ZNF480: variants seen among roughly 807,000 people sequenced by gnomAD.
ZNF480 encodes zinc finger protein 480.
In ZNF480, 15 loss-of-function variants were observed where a neutral mutation model predicts 14.4. That is an observed-to-expected ratio of 1.04 (90% CI 0.70 to 1.60). The LOEUF is 1.60. Among genes scored for constraint, ZNF480 ranks in the 40% most tolerant of loss-of-function variants. ZNF480 has a pLI of 0.00. For synonymous variants in ZNF480, 218 were observed against 215.5 expected (o/e 1.01, Z -0.10); for missense variants, 593 against 629.7 (o/e 0.94, Z 0.62).
rs1984009066 is a variant in ZNF480, at chr19:52,324,682, G to A, written c.*1824G>A. 6.6e-6 allele frequency: 1 copy of A among 151,944 alleles called. No individual in the cohort carries two copies. 9.4% of individuals were successfully genotyped at this position (151,944 alleles called of 1,614,324 possible). A position where few individuals can be genotyped will look rare whatever the true frequency, so the allele number is the denominator to read the frequency against. ...CTCAACAAAACTGACAAGCAATGAA[G>A]TAAGAACTTCATTCAATAAGTGGTG... On this transcript the variant is annotated 3_prime_UTR_variant, in exon 5 of 5. Transcript: ENST00000595962.
At position 52,321,798 on chromosome 19, in the gene ZNF480, A is replaced by T. The variant is rs976218899; in HGVS notation, c.548A>T (p.Asp183Val). 3.7e-6 allele frequency: 6 copies of T among 1,613,818 alleles called. No homozygotes were observed. The highest frequency in any genetic ancestry group is 5.1e-6 in the Non-Finnish European group (6 of 1,179,840). The change falls in exon 5 of 5, where the codon GAT (aspartate) becomes GTT (valine). Residue 183 changes from aspartate to valine, a missense_variant. By Grantham distance (152) the Asp-to-Val change is radical. Transcript: ENST00000595962. ...SVKTPIFNRNDFDDSSFLPQE... is the reference protein window; with the variant it reads ...SVKTPIFNRNVFDDSSFLPQE... ...AAAACCCCCATTTTTAATAGGAATG[A>T]TTTTGATGATTCTTCATTTCTCCCA...
rs1159196511 is a variant in ZNF480, at chr19:52,322,569, C to G, written c.1319C>G (p.Ser440Ter). The G allele has an allele frequency of 6.2e-7, 1 of 1,614,062 alleles. No homozygotes were observed. Among genetic ancestry groups the G allele is most frequent in the Non-Finnish European group, 8.5e-7 (1 of 1,179,994 alleles). Reference sequence around the variant, plus strand: ...TGTGGTAAAGCATTTAGTGAGTATTCAGGCCTTTCAGCCCATCTTGTAATC... The same window carrying G: ...TGTGGTAAAGCATTTAGTGAGTATTGAGGCCTTTCAGCCCATCTTGTAATC... ...NECGKAFSEY[S>*]GLSAHLVIHT... Residue 440 changes from serine (S) to a stop codon, truncating the protein, a stop_gained, in exon 5 of 5, where the codon TCA (serine) becomes TGA (stop). Transcript: ENST00000595962. LOFTEE classifies it low-confidence loss of function (END_TRUNC).
Position 52,322,593 on chromosome 19 carries a change from T to C in ZNF480, c.1343T>C (p.Ile448Thr), listed in dbSNP as rs1283199139. 1 of 1,614,000 alleles carries C rather than the reference T, an allele frequency of 6.2e-7. No homozygotes were observed. Among genetic ancestry groups the C allele is most frequent in the Non-Finnish European group, 8.5e-7 (1 of 1,180,018 alleles). The change falls in exon 5 of 5, where the codon ATC becomes ACC. Residue 448 changes from isoleucine to threonine, a missense_variant. Transcript: ENST00000595962. The stretch of plus-strand genomic sequence containing the variant: ...TCAGGCCTTTCAGCCCATCTTGTAA[T>C]CCACACTGGAGAGAAGCCTTACAAA... ...EYSGLSAHLV[I>T]HTGEKPYKCS...
chr19:52,297,672 C>G (rs1003260989), intron 1 of ZNF480: 7 of 161,110 alleles, frequency 4.3e-5, no homozygotes, highest in African/African-American at 1.7e-4. Context: ...TGATCCAGAC[C>G]CTACCTTTAC....
rs941527389 is a variant in ZNF480 at position 52,324,749 on chromosome 19, A to T, written c.*1891A>T. 2.0e-5 allele frequency: 3 copies of T among 152,146 alleles called. No individual in the cohort carries two copies. The highest frequency in any genetic ancestry group is 2.9e-5 in the Non-Finnish European group (2 of 68,028). 9.4% of individuals were successfully genotyped at this position (152,146 alleles called of 1,614,324 possible). On this transcript the variant is annotated 3_prime_UTR_variant, in exon 5 of 5. Coordinates refer to ENST00000595962, the MANE Select transcript of ZNF480 (RefSeq NM_144684.4). ...GCCATATGCAGGATATTGAAACTGG[A>T]CCCCTATCCTTCACGATATACAAAA...
At chr19:52,302,706 G>T (rs979439943) in intron 2 of ZNF480, among the ~76,000 whole-genome samples, 1 of 152,186 alleles carries the variant, frequency 6.6e-6, no homozygotes, top group African/African-American at 2.4e-5. Context: ...AACAGAATTA[G>T]GTTCCAATCC....
intron 1 of ZNF480, among the ~76,000 whole-genome samples, chr19:52,298,343 A>G (rs1477691783): frequency 2.0e-5 from 3 of 152,130 alleles, no homozygotes; most frequent in Admixed American, 2.0e-4. Context: ...AGTCAGGGGA[A>G]GAGGCAAGAC....
rs143525165 is a variant in ZNF480 at position 52,298,648 on chromosome 19, A to G, written c.-20+1425A>G. Among the ~76,000 whole-genome samples, 653 of 152,104 alleles carry G rather than the reference A, an allele frequency of 4.3e-3. 3 individuals carry two copies. The highest frequency in any genetic ancestry group is 6.0e-3 in the Non-Finnish European group (411 of 67,968). ...CTCCGTCTCAGGGAAAAAAAAAAAA[A>G]AGAGACAAATAGGTGGAGAATGGGA... On this transcript the variant is annotated intron_variant, in intron 1 of 4. Coordinates refer to ENST00000595962, the MANE Select transcript of ZNF480 (RefSeq NM_144684.4).
Position 52,314,140 on chromosome 19 carries a change from G to C in ZNF480, c.73-13G>C, listed in dbSNP as rs915593604. On this transcript the variant is annotated splice_polypyrimidine_tract_variant and intron_variant, in intron 2 of 4. Coordinates refer to ENST00000595962, the MANE Select transcript of ZNF480 (RefSeq NM_144684.4). ...TTACATATCCTGTTGGTGAAATGTG[G>C]TTTTCATTTTAGGGACACTTAACAT... 3 of 1,552,826 alleles carry C rather than the reference G, an allele frequency of 1.9e-6. No individual in the cohort carries two copies. The African/African-American group carries it at 4.1e-5, about 21-fold the overall frequency.
intron 2 of ZNF480, chr19:52,301,853 T>C (rs1240072934): frequency 2.0e-5 from 3 of 153,260 alleles, no homozygotes; most frequent in Non-Finnish European, 4.4e-5. Context: ...CAGGTATCCA[T>C]ACTCCTTCTC....
At chr19:52,304,843 A>G (rs909288493) in intron 2 of ZNF480, among the ~76,000 whole-genome samples, 12 of 152,158 alleles carry the variant, frequency 7.9e-5, no homozygotes, top group Admixed American at 7.9e-4. Context: ...TCAAGCCTGT[A>G]ATCCCAGCAC....
chr19:52,322,411 A>C lies in ZNF480; in HGVS notation c.1161A>C (p.Ala387=), dbSNP rs747279205. The C allele has an allele frequency of 9.9e-5, 160 of 1,613,946 alleles. No individual in the cohort carries two copies. Among genetic ancestry groups the C allele is most frequent in the Non-Finnish European group, 1.3e-4 (151 of 1,180,004 alleles). Residue 387 remains alanine, a synonymous_variant, in exon 5 of 5, where the codon GCA becomes GCC. Coordinates refer to ENST00000595962, the MANE Select transcript of ZNF480 (RefSeq NM_144684.4). ...TCTTTATTCAAAATTCGCACCTAGC[A>C]CAACATTGGAGAATTCATACAGGAG... ...GKVFIQNSHL[A]QHWRIHTGEK... is the part of the protein sequence containing the mutation.
chr19:52,318,183 T>C (rs1983646499), intron 4 of ZNF480, among the ~76,000 whole-genome samples: 1 of 152,114 alleles, frequency 6.6e-6, no homozygotes, highest in African/African-American at 2.4e-5. Flanking sequence ...CTCGGCTCAC[T>C]GGTACCTGCG....
chr19:52,316,374 C>G (rs1389864187), intron 4 of ZNF480, among the ~76,000 whole-genome samples: 1 of 152,024 alleles, frequency 6.6e-6, no homozygotes, highest in Non-Finnish European at 1.5e-5. Context: ...TTATGGTCAC[C>G]TGCACCATGC....
intron 2 of ZNF480, among the ~76,000 whole-genome samples, chr19:52,310,376 G>A (rs2122535329): frequency 6.6e-6 from 1 of 152,144 alleles, no homozygotes; most frequent in South Asian, 2.1e-4. Flanking sequence ...ATTCTTATTA[G>A]TTAATATGTT....
intron 1 of ZNF480, among the ~76,000 whole-genome samples, chr19:52,298,272 T>G (rs1201271651): frequency 1.5e-4 from 19 of 128,568 alleles, no homozygotes; most frequent in South Asian, 2.6e-4. Flanking sequence ...TGCCAGAGAG[T>G]GGGGACAAGG....
chr19:52,316,085 T>G, intron 4 of ZNF480, 123 bp downstream of exon 4: 2 of 971,498 alleles, frequency 2.1e-6, no homozygotes, highest in African/African-American at 1.6e-5. Context: ...GAGATGGAGT[T>G]TCACTGTCAT....
In ZNF480 at chr19:52,322,045, C is replaced by T; in HGVS notation, c.795C>T (p.Gly265=). The T allele has an allele frequency of 6.2e-7, 1 of 1,612,934 alleles. No individual in the cohort carries two copies. The highest frequency in any genetic ancestry group is 8.5e-7 in the Non-Finnish European group (1 of 1,179,658). ...AACCTTACAAATGTAATGTCTGTGGCAAGGTTTTTAGTTACAATTCAAACT... is the reference window on the plus strand; with the variant it reads ...AACCTTACAAATGTAATGTCTGTGGTAAGGTTTTTAGTTACAATTCAAACT... ...GEKPYKCNVC[G]KVFSYNSNFA... The change falls in exon 5 of 5, where the codon GGC becomes GGT. Residue 265 remains glycine (G), a synonymous_variant. Transcript: ENST00000595962.
intron 2 of ZNF480, among the ~76,000 whole-genome samples, chr19:52,309,898 G>A (rs1983186218): frequency 6.6e-6 from 1 of 152,124 alleles, no homozygotes; most frequent in Admixed American, 6.5e-5. Context: ...TTCTAACACA[G>A]GTCTGGAATG....
Sources: gnomAD v4.1 joint callset for allele counts (sites outside exome capture counted in the v4.1 genomes callset) on GRCh38, gnomAD v4.1.1 for gene constraint, MANE v1.5 for transcripts, NCBI Gene and HGNC (gene_info 2026-07-23, HGNC 2026-07-21) for gene names.